The following UBE2E2 variants were observed in gnomAD, a reference collection of about 807,000 sequenced individuals.
UBE2E2 encodes the protein ubiquitin conjugating enzyme E2 E2.
In UBE2E2, 6 loss-of-function variants were observed where a neutral mutation model predicts 24.7. That is an observed-to-expected ratio of 0.24 (90% CI 0.13 to 0.48). UBE2E2 has a LOEUF of 0.48. Ranked by LOEUF, UBE2E2 falls within the 20% of genes least tolerant of loss-of-function variation. The pLI is 0.99. For missense variants in UBE2E2, 169 were observed against 245.0 expected, an observed-to-expected ratio of 0.69 and a Z score of 2.07; for synonymous variants, 104 against 83.6, an observed-to-expected ratio of 1.24 and a Z score of -1.33.
chr3:23,533,299 C>T (rs894655183), intron 5 of UBE2E2, among the ~76,000 whole-genome samples: 1 of 152,110 alleles, frequency 6.6e-6, no homozygotes, highest in African/African-American at 2.4e-5. Flanking sequence ...ATTCCTGGGC[C>T]ATGTCTTTAC....
chr3:23,566,245 T>C (rs556813286), intron 5 of UBE2E2, among the ~76,000 whole-genome samples: 15 of 152,156 alleles, frequency 9.9e-5, no homozygotes, highest in Non-Finnish European at 1.9e-4. Flanking sequence ...AAAATACAAT[T>C]TAATAGGCTA....
intron 3 of UBE2E2, among the ~76,000 whole-genome samples, chr3:23,307,853 A>T (rs1049411659): frequency 6.6e-6 from 1 of 152,198 alleles, no homozygotes; most frequent in African/African-American, 2.4e-5. Flanking sequence ...TGTAAATAGA[A>T]GTGACCATCT....
intron 1 of UBE2E2, chr3:23,204,703 A>C: frequency 3.0e-6 from 3 of 985,364 alleles, no homozygotes; most frequent in Non-Finnish European, 3.6e-6. Flanking sequence ...TTACCCCCAA[A>C]TCAGGTGTTC....
chr3:23,390,441 C>T (rs1696908612), intron 3 of UBE2E2, among the ~76,000 whole-genome samples: 1 of 152,176 alleles, frequency 6.6e-6, no homozygotes, highest in Admixed American at 6.5e-5. Context: ...GCACCATCCC[C>T]TTTCCAGCTC....
chr3:23,401,932 C>T (rs1272774889), intron 3 of UBE2E2, among the ~76,000 whole-genome samples: 1 of 143,972 alleles, frequency 6.9e-6, no homozygotes, highest in Non-Finnish European at 1.5e-5. Flanking sequence ...TCTCAGCTCT[C>T]TGCAACCTCT....
intron 3 of UBE2E2, among the ~76,000 whole-genome samples, chr3:23,470,628 C>T (rs1699014506): frequency 6.6e-6 from 1 of 152,138 alleles, no homozygotes; most frequent in South Asian, 2.1e-4. Context: ...CACATTTGTT[C>T]CAAGTAAATA....
At chr3:23,525,534 T>C (rs1186152167) in intron 4 of UBE2E2, among the ~76,000 whole-genome samples, 1 of 152,232 alleles carries the variant, frequency 6.6e-6, no homozygotes. Flanking sequence ...CTCCCTGCCT[T>C]TGAAAACTGT....
chr3:23,425,248 G>C (rs1339414140), intron 3 of UBE2E2, among the ~76,000 whole-genome samples: 1 of 152,004 alleles, frequency 6.6e-6, no homozygotes, highest in Non-Finnish European at 1.5e-5. Flanking sequence ...TAAGAAGTAG[G>C]GTAGGAATTG....
intron 5 of UBE2E2, among the ~76,000 whole-genome samples, chr3:23,556,454 T>TAAAAAAAAAAAA (rs5847239): frequency 5.3e-5 from 5 of 94,320 alleles, no homozygotes; most frequent in Admixed American, 1.0e-4. Context: ...AAAATTTATT[T>TAAAAAAAAAAAA]AAAAAAAAAA....
chr3:23,346,405 A>G (rs1180567520), intron 3 of UBE2E2, among the ~76,000 whole-genome samples: 7 of 152,210 alleles, frequency 4.6e-5, no homozygotes, highest in Admixed American at 4.6e-4. Context: ...CAGGTTGAAG[A>G]TGACATTTTC....
chr3:23,273,371 CA>C (rs921111092), intron 3 of UBE2E2, among the ~76,000 whole-genome samples: 4 of 148,732 alleles, frequency 2.7e-5, no homozygotes, highest in Admixed American at 6.7e-5. Context: ...ACTAAAAATA[CA>C]AAAAAAAAAT....
At chr3:23,415,948 T>C (rs1485577341) in intron 3 of UBE2E2, among the ~76,000 whole-genome samples, 1 of 151,874 alleles carries the variant, frequency 6.6e-6, no homozygotes, top group Non-Finnish European at 1.5e-5. Context: ...CCTGTGTCCA[T>C]GTGTTCTCAT....
chr3:23,538,992 A>G (rs1166551871), intron 5 of UBE2E2, among the ~76,000 whole-genome samples: 2 of 152,170 alleles, frequency 1.3e-5, no homozygotes, highest in African/African-American at 4.8e-5. Flanking sequence ...TTTTCTAGGA[A>G]ATACTGAATG....
intron 5 of UBE2E2, among the ~76,000 whole-genome samples, chr3:23,537,844 G>A (rs918463872): frequency 6.6e-6 from 1 of 152,066 alleles, no homozygotes; most frequent in African/African-American, 2.4e-5. Flanking sequence ...ACTGCTGGTG[G>A]GTGGGAACCA....
intron 5 of UBE2E2, among the ~76,000 whole-genome samples, chr3:23,548,684 T>A (rs1695576175): frequency 6.6e-6 from 1 of 152,226 alleles, no homozygotes; most frequent in South Asian, 2.1e-4. Flanking sequence ...ATCCTTATGG[T>A]TCACGTGCTG....
chr3:23,459,920 T>C (rs995578803), intron 3 of UBE2E2, among the ~76,000 whole-genome samples: 5 of 152,242 alleles, frequency 3.3e-5, no homozygotes, highest in African/African-American at 1.2e-4. Context: ...AATGTACTTA[T>C]GCCAACAGTT....
At chr3:23,551,291 A>G (rs572980733) in intron 5 of UBE2E2, among the ~76,000 whole-genome samples, 1 of 152,354 alleles carries the variant, frequency 6.6e-6, no homozygotes, top group African/African-American at 2.4e-5. Flanking sequence ...GCAACCTTTT[A>G]AGTTAATTAC....
At chr3:23,295,527 T>G (rs911035695) in intron 3 of UBE2E2, among the ~76,000 whole-genome samples, 6 of 152,112 alleles carry the variant, frequency 3.9e-5, no homozygotes, top group African/African-American at 1.4e-4. Flanking sequence ...CTTACTATCA[T>G]GTGGGGAAAA....
In UBE2E2 at chr3:23,264,464, A is replaced by G. The variant is rs1559324546; in HGVS notation, c.227+47152A>G. ...TCTCAAAATCCCTGTGCGAGCCACAAAAGGAGTCTCTGGGAGATTTGGGAT... is the reference window on the plus strand; with the variant it reads ...TCTCAAAATCCCTGTGCGAGCCACAGAAGGAGTCTCTGGGAGATTTGGGAT... On this transcript the variant is annotated intron_variant, in intron 3 of 5. Transcript: ENST00000396703. Among the ~76,000 whole-genome samples, 4 of 152,286 alleles carry G rather than the reference A, an allele frequency of 2.6e-5. No homozygotes were observed. The South Asian group carries it at 6.2e-4, about 24-fold the overall frequency.
Sources: gnomAD v4.1 joint callset for allele counts (sites outside exome capture counted in the v4.1 genomes callset) on GRCh38, gnomAD v4.1.1 for gene constraint, MANE v1.5 for transcripts, NCBI Gene and HGNC (gene_info 2026-07-23, HGNC 2026-07-21) for gene names.